CFAP47: variants seen among roughly 807,000 people sequenced by gnomAD.
CFAP47 encodes cilia- and flagella-associated protein 47.
In CFAP47, 29 loss-of-function variants were observed where a neutral mutation model predicts 148.1. The ratio of observed to expected loss-of-function variants is 0.20; its 90% CI spans 0.15 to 0.27. The LOEUF (loss-of-function observed/expected upper bound fraction) is 0.27. CFAP47 is among the 10% of genes least tolerant of loss of function. The pLI is 1.00. For synonymous variants in CFAP47, 664 were observed against 577.3 expected, an observed-to-expected ratio of 1.15 and a Z score of -2.15; for missense variants, 1,872 against 1,697.5, an observed-to-expected ratio of 1.10 and a Z score of -1.81.
chrX:35,941,510 C>A (rs1039016460), intron 3 of CFAP47, 112 bp downstream of exon 3: 9 of 400,090 alleles, frequency 2.2e-5, no homozygotes, highest in African/African-American at 5.3e-5. Context: ...TCTATCATTT[C>A]AAATAGCTCA....
chrX:36,239,204 C>A (rs1215876091), intron 48 of CFAP47, among the ~76,000 whole-genome samples: 1 of 111,603 alleles, frequency 9.0e-6, no homozygotes, highest in African/African-American at 3.3e-5. Context: ...GGGACTTCCA[C>A]GAAGGTGAAG....
intron 29 of CFAP47, among the ~76,000 whole-genome samples, chrX:36,080,507 A>G (rs1445620507): frequency 8.9e-6 from 1 of 111,943 alleles, no homozygotes; most frequent in African/African-American, 3.3e-5. Flanking sequence ...ACTATTCACA[A>G]TAGCAAAGAC....
At position 36,138,347 on chromosome X, in the gene CFAP47, G is replaced by T; in HGVS notation, c.5419-1G>T. The T allele has an allele frequency of 9.0e-7, 1 of 1,109,733 alleles. No homozygotes were observed. Among genetic ancestry groups the T allele is most frequent in the Non-Finnish European group, 1.2e-6 (1 of 848,232 alleles). 91.5% of individuals were successfully genotyped at this position (1,109,733 alleles called of 1,213,427 possible). On this transcript the variant is annotated splice_acceptor_variant, in intron 34 of 63. Coordinates refer to ENST00000378653, the MANE Select transcript of CFAP47 (RefSeq NM_001304548.2). LOFTEE classifies it high-confidence loss of function. ...AAGGTTTGATTTTTTTTTTTTTACAGATTGAGTCTCATTTTATAAATATGT... is the reference window on the plus strand; with the variant it reads ...AAGGTTTGATTTTTTTTTTTTTACATATTGAGTCTCATTTTATAAATATGT...
At chrX:36,005,937 C>A (rs2146696739) in intron 21 of CFAP47, among the ~76,000 whole-genome samples, 1 of 110,544 alleles carries the variant, frequency 9.0e-6, no homozygotes, top group East Asian at 2.8e-4. Context: ...CACACAATTT[C>A]AACAAGAAAA....
intron 45 of CFAP47, among the ~76,000 whole-genome samples, chrX:36,218,951 T>C (rs1555990468): frequency 9.0e-6 from 1 of 111,494 alleles, no homozygotes; most frequent in African/African-American, 3.3e-5. Context: ...AAGAAATGCT[T>C]GAGTTAAGAT....
intron 40 of CFAP47, among the ~76,000 whole-genome samples, chrX:36,179,860 G>A (rs1257004908): frequency 3.6e-5 from 4 of 110,303 alleles, no homozygotes. Flanking sequence ...CCCAATAAAA[G>A]GCATCAGAGA....
intron 32 of CFAP47, among the ~76,000 whole-genome samples, chrX:36,103,431 G>A (rs898308960): frequency 3.2e-5 from 3 of 95,228 alleles, no homozygotes; most frequent in Non-Finnish European, 4.1e-5. Context: ...GTAAGGGGCC[G>A]TTGCTGGGGT....
At chrX:36,354,338 A>C (rs375686388) in intron 60 of CFAP47, among the ~76,000 whole-genome samples, 1 of 108,949 alleles carries the variant, frequency 9.2e-6, no homozygotes, top group Non-Finnish European at 1.9e-5. Context: ...AAAATTAGCC[A>C]GGTGTGGTGG....
At chrX:36,022,564 C>G (rs1453005505) in intron 22 of CFAP47, among the ~76,000 whole-genome samples, 1 of 111,438 alleles carries the variant, frequency 9.0e-6, no homozygotes, top group African/African-American at 3.3e-5. Context: ...AACTTTCTAC[C>G]CCTGTCTCTG....
intron 57 of CFAP47, among the ~76,000 whole-genome samples, chrX:36,337,160 G>T (rs1234782965): frequency 4.5e-5 from 5 of 111,933 alleles, no homozygotes; most frequent in African/African-American, 1.6e-4. Flanking sequence ...AAGATGTCTG[G>T]GAGCTTGCCC....
intron 39 of CFAP47, among the ~76,000 whole-genome samples, chrX:36,162,262 C>T (rs1218113093): frequency 5.4e-5 from 6 of 111,471 alleles, no homozygotes; most frequent in Non-Finnish European, 9.4e-5. Flanking sequence ...TATATCCTTC[C>T]TTTGAATATG....
Position 35,953,577 on chromosome X carries a change from G to A in CFAP47, c.1047-15G>A, listed in dbSNP as rs1410418538. On this transcript the variant is annotated splice_polypyrimidine_tract_variant and intron_variant, in intron 6 of 63. Transcript: ENST00000378653. ...AACTTTGCTTTAAAAATAACTCATT[G>A]TGATTTTTTTACAGGCTAATGGCTG... 6.9e-6 allele frequency: 8 copies of A among 1,163,049 alleles called. No individual in the cohort carries two copies. Among genetic ancestry groups the A allele is most frequent in the Middle Eastern group, 2.4e-4 (1 of 4,116 alleles).
chrX:36,088,817 A>C (rs1006300005), intron 30 of CFAP47, among the ~76,000 whole-genome samples: 1 of 111,754 alleles, frequency 8.9e-6, no homozygotes, highest in Admixed American at 9.5e-5. Flanking sequence ...GAAAATAATA[A>C]AATTTTTAAA....
intron 39 of CFAP47, among the ~76,000 whole-genome samples, chrX:36,176,857 T>C (rs760352038): frequency 4.5e-4 from 50 of 112,161 alleles, no homozygotes; most frequent in African/African-American, 1.6e-3. Flanking sequence ...TGAGCGGAGA[T>C]TGTGCCATTG....
intron 42 of CFAP47, among the ~76,000 whole-genome samples, chrX:36,195,347 T>C (rs1000681699): frequency 9.8e-5 from 11 of 112,133 alleles, no homozygotes; most frequent in Admixed American, 5.7e-4. Flanking sequence ...AAGTATGAAA[T>C]CTCATGTACA....
Position 36,179,411 on chromosome X carries a change from C to T in CFAP47, c.6093C>T (p.Tyr2031=), listed in dbSNP as rs1289150403. The T allele has an allele frequency of 3.4e-6, 1 of 295,183 alleles. No individual in the cohort carries two copies. The highest frequency in any genetic ancestry group is 5.9e-6 in the Non-Finnish European group (1 of 169,473). 24.3% of individuals were successfully genotyped at this position (295,183 alleles called of 1,213,427 possible). The change falls in exon 40 of 64, where the codon TAC becomes TAT. Residue 2031 remains tyrosine, a synonymous_variant. Coordinates refer to ENST00000378653, the MANE Select transcript of CFAP47 (RefSeq NM_001304548.2). ...CGAAGTTAACTGAATCCAGGCAATA[C>T]CCGAAACATGAGTAAGTGTCTATAT... The part of the protein sequence containing the change: ...SPTKLTESRQ[Y]PKHDDDMSSS...
intron 35 of CFAP47, chrX:36,144,475 C>A (rs970418286): frequency 2.3e-6 from 2 of 872,625 alleles, no homozygotes; most frequent in Non-Finnish European, 2.9e-6. Flanking sequence ...ATATTTTTAT[C>A]TATTATCTTA....
chrX:36,360,465 G>A (rs964623963), intron 60 of CFAP47, among the ~76,000 whole-genome samples: 1 of 111,478 alleles, frequency 9.0e-6, no homozygotes, highest in Non-Finnish European at 1.9e-5. Flanking sequence ...GACAGAGTTG[G>A]CTTCTCCCTT....
chrX:35,999,242 AT>A lies in CFAP47; in HGVS notation c.3178-1040del, dbSNP rs753076502. Reference sequence around the variant, plus strand: ...ATATACAACTGCGTTGACATTTTAAATGAAACAAATAGCCAGTCTACTTTCA... The same window carrying A: ...ATATACAACTGCGTTGACATTTTAAAGAAACAAATAGCCAGTCTACTTTCA... On this transcript the variant is annotated intron_variant, in intron 19 of 63. Transcript: ENST00000378653. 4.4e-5 allele frequency among the ~76,000 whole-genome samples: 5 copies of A among 112,513 alleles called. No individual in the cohort carries two copies. The East Asian group carries it at 1.4e-3, about 31-fold the overall frequency.
Sources: gnomAD v4.1 joint callset for allele counts (sites outside exome capture counted in the v4.1 genomes callset) on GRCh38, gnomAD v4.1.1 for gene constraint, MANE v1.5 for transcripts, NCBI Gene and HGNC (gene_info 2026-07-23, HGNC 2026-07-21) for gene names.